Variants in GRID1 observed in about 807,000 individuals in gnomAD.
GRID1 encodes glutamate ionotropic receptor delta type subunit 1, also known as glutamate receptor ionotropic, delta-1.
In GRID1, 28 loss-of-function variants were observed where a neutral mutation model predicts 98.0. That is an observed-to-expected ratio of 0.29 (90% CI 0.21 to 0.39). The LOEUF (loss-of-function observed/expected upper bound fraction) is 0.39, where lower values mean the gene tolerates loss of function less well. Among genes scored for constraint, GRID1 ranks in the 10% least tolerant of loss-of-function variants. The probability of loss-of-function intolerance (pLI) is 1.00; values close to 1 mark genes in which losing one functional copy is unlikely to be tolerated. For synonymous variants in GRID1, 553 were observed against 538.5 expected (o/e 1.03, Z -0.37); for missense variants, 1,111 against 1,340.5 (o/e 0.83, Z 2.67).
chr10:86,145,327 A>G (rs1323171937), intron 3 of GRID1, among the ~76,000 whole-genome samples: 1 of 152,100 alleles, frequency 6.6e-6, no homozygotes, highest in African/African-American at 2.4e-5. Flanking sequence ...GGTTCAAGTG[A>G]TTCTCTTGCC....
intron 8 of GRID1, among the ~76,000 whole-genome samples, chr10:85,831,652 A>T (rs558190500): frequency 6.6e-6 from 1 of 152,218 alleles, no homozygotes; most frequent in Non-Finnish European, 1.5e-5. Context: ...TAAATGACTA[A>T]CCAAAAAAAC....
In GRID1 at chr10:86,203,729, G is replaced by C. The variant is rs141736412; in HGVS notation, c.520+2635C>G. On this transcript the variant is annotated intron_variant, in intron 3 of 15. Coordinates refer to ENST00000327946, the MANE Select transcript of GRID1 (RefSeq NM_017551.3). ...GCCATGAGCACACCACTCTGACGCT[G>C]TCTTCTGACTGAGAACCCCAGCTCT... is the stretch of plus-strand genomic sequence containing the variant. 5.3e-3 allele frequency among the ~76,000 whole-genome samples: 800 copies of C among 151,906 alleles called. 10 individuals carry two copies. Among genetic ancestry groups the C allele is most frequent in the African/African-American group, 0.018 (752 of 41,520 alleles).
At chr10:85,857,242 G>C (rs1327398668) in intron 6 of GRID1, among the ~76,000 whole-genome samples, 2 of 152,198 alleles carry the variant, frequency 1.3e-5, no homozygotes, top group Non-Finnish European at 2.9e-5. Flanking sequence ...TGGTAGAGGA[G>C]ACACATCCCT....
rs181865568 is a variant in GRID1 at position 86,304,301 on chromosome 10, T to C, written c.235+59640A>G. On this transcript the variant is annotated intron_variant, in intron 2 of 15. Coordinates refer to ENST00000327946, the MANE Select transcript of GRID1 (RefSeq NM_017551.3). ...GAAGGCAGGAGCCCCAACATACTTA[T>C]GTTGAGAAAGACATCTGGCAGAGGG... Among the ~76,000 whole-genome samples the C allele has an allele frequency of 1.2e-4, 19 of 152,304 alleles. No individual in the cohort carries two copies. The East Asian group carries it at 2.7e-3, about 22-fold the overall frequency.
chr10:85,845,704 A>T (rs1842999171), intron 8 of GRID1, among the ~76,000 whole-genome samples: 1 of 152,122 alleles, frequency 6.6e-6, no homozygotes, highest in African/African-American at 2.4e-5. Context: ...AACTGTAACA[A>T]CCTATCTTTT....
chr10:86,293,400 A>G (rs1847543916), intron 2 of GRID1, among the ~76,000 whole-genome samples: 1 of 152,134 alleles, frequency 6.6e-6, no homozygotes, highest in Non-Finnish European at 1.5e-5. Flanking sequence ...CAAGCTGACT[A>G]TCAAAGCCCC....
chr10:86,246,483 C>T (rs1481395492), intron 2 of GRID1, among the ~76,000 whole-genome samples: 3 of 152,204 alleles, frequency 2.0e-5, no homozygotes, highest in Admixed American at 6.5e-5. Context: ...CACCACAACC[C>T]GGCCGCACCT....
chr10:86,124,592 T>C (rs1336151913), intron 4 of GRID1, among the ~76,000 whole-genome samples: 2 of 152,134 alleles, frequency 1.3e-5, no homozygotes, highest in African/African-American at 4.8e-5. Context: ...TTCATGGGGG[T>C]TGTCACTACC....
At chr10:85,603,390 G>A (rs1590153976) in intron 15 of GRID1, among the ~76,000 whole-genome samples, 1 of 152,314 alleles carries the variant, frequency 6.6e-6, no homozygotes, top group East Asian at 1.9e-4. Context: ...CTTCCCCAGG[G>A]TCAGCTGACC....
At chr10:85,941,991 G>A (rs1842002204) in intron 4 of GRID1, among the ~76,000 whole-genome samples, 1 of 152,172 alleles carries the variant, frequency 6.6e-6, no homozygotes, top group African/African-American at 2.4e-5. Flanking sequence ...GGGCACTGGA[G>A]GGGTCATCTT....
chr10:85,926,862 A>G (rs1841780985), intron 4 of GRID1, among the ~76,000 whole-genome samples: 1 of 152,372 alleles, frequency 6.6e-6, no homozygotes, highest in African/African-American at 2.4e-5. Context: ...AAAATCAATT[A>G]GACAAAATTA....
chr10:85,622,198 G>T (rs886114816), intron 13 of GRID1, among the ~76,000 whole-genome samples: 1 of 152,016 alleles, frequency 6.6e-6, no homozygotes, highest in Non-Finnish European at 1.5e-5. Flanking sequence ...CTGCATGAAA[G>T]CACCCACATT....
At chr10:85,997,563 A>T (rs1239095676) in intron 4 of GRID1, among the ~76,000 whole-genome samples, 1 of 152,336 alleles carries the variant, frequency 6.6e-6, no homozygotes, top group East Asian at 1.9e-4. Context: ...GCAATATTAT[A>T]AAAATAATCA....
chr10:85,678,587 G>C (rs1041771777), intron 12 of GRID1, among the ~76,000 whole-genome samples: 2 of 152,068 alleles, frequency 1.3e-5, no homozygotes, highest in Non-Finnish European at 2.9e-5. Context: ...TTCTCTACTT[G>C]AGTCTCAACA....
intron 2 of GRID1, among the ~76,000 whole-genome samples, chr10:86,317,482 C>T (rs1272735043): frequency 1.3e-5 from 2 of 152,222 alleles, no homozygotes; most frequent in Non-Finnish European, 2.9e-5. Flanking sequence ...ACAATTACAT[C>T]TCACCTGCTG....
Position 85,601,963 on chromosome 10 carries a change from G to C in GRID1, c.*310C>G, listed in dbSNP as rs571955651. 1.1e-5 allele frequency: 3 copies of C among 274,046 alleles called. No homozygotes were observed. The Admixed American group carries it at 1.5e-4, about 14-fold the overall frequency. The allele number at this position is 274,046 out of a possible 1,614,324, so 17.0% of individuals were successfully genotyped here. ...CCTGCCCTCAGAAAGGCCCAGGAATGGGGGGGCTCCTTTGGCACTTCAGAA... is the reference window on the plus strand; with the variant it reads ...CCTGCCCTCAGAAAGGCCCAGGAATCGGGGGGCTCCTTTGGCACTTCAGAA... On this transcript the variant is annotated 3_prime_UTR_variant, in exon 16 of 16. Transcript: ENST00000327946.
chr10:85,921,051 C>G (rs1334875952), intron 4 of GRID1, among the ~76,000 whole-genome samples: 1 of 152,218 alleles, frequency 6.6e-6, no homozygotes, highest in African/African-American at 2.4e-5. Context: ...CACAGAACTT[C>G]AGAAGAAGAA....
intron 5 of GRID1, among the ~76,000 whole-genome samples, chr10:85,894,008 C>T (rs76527151): frequency 0.018 from 2,732 of 152,240 alleles, 125 homozygotes; most frequent in East Asian, 0.15. Flanking sequence ...GTGAAAACGA[C>T]GTTTCAAAAA....
intron 4 of GRID1, among the ~76,000 whole-genome samples, chr10:86,002,232 C>T (rs1842810788): frequency 6.6e-6 from 1 of 152,144 alleles, no homozygotes; most frequent in Non-Finnish European, 1.5e-5. Context: ...ACCTAAAATA[C>T]CGACATTTCA....
Sources: gnomAD v4.1 joint callset for allele counts (sites outside exome capture counted in the v4.1 genomes callset) on GRCh38, gnomAD v4.1.1 for gene constraint, MANE v1.5 for transcripts, NCBI Gene and HGNC (gene_info 2026-07-23, HGNC 2026-07-21) for gene names.